The following EXT1 variants were observed in gnomAD, a reference collection of about 807,000 sequenced individuals.
The protein encoded by EXT1 is exostosin glycosyltransferase 1.
EXT1 carries 20 observed loss-of-function variants against 82.5 expected under a neutral mutation model. That is an observed-to-expected ratio of 0.24 (90% CI 0.17 to 0.35). The LOEUF is 0.35. Among genes scored for constraint, EXT1 ranks in the 10% least tolerant of loss-of-function variants. The probability of loss-of-function intolerance (pLI) is 1.00; values close to 1 mark genes in which losing one functional copy is unlikely to be tolerated. For synonymous variants in EXT1, 348 were observed against 350.8 expected (o/e 0.99, Z 0.09); for missense variants, 757 against 936.5 (o/e 0.81, Z 2.50).
At position 117,950,928 on chromosome 8, in the gene EXT1, G is replaced by T. The variant is rs192112120; in HGVS notation, c.963-113727C>A. The stretch of plus-strand genomic sequence containing the variant: ...AACAAAAATTTTTTTTTTAAAAGTT[G>T]TAAGTTTCTATACTTATAACCAAAG... On this transcript the variant is annotated intron_variant, in intron 1 of 10. Transcript: ENST00000378204. 3.5e-3 allele frequency among the ~76,000 whole-genome samples: 530 copies of T among 152,184 alleles called. 1 individual carries two copies. The highest frequency in any genetic ancestry group is 8.7e-3 in the South Asian group (42 of 4,818).
intron 1 of EXT1, among the ~76,000 whole-genome samples, chr8:117,917,249 G>A (rs906614149): frequency 6.6e-6 from 1 of 152,062 alleles, no homozygotes; most frequent in South Asian, 2.1e-4. Context: ...CGAGGCGGGC[G>A]GATCATTTGA....
chr8:117,813,101 A>C (rs1288021798), intron 7 of EXT1, 140 bp from the exon 8 acceptor site: 2 of 718,468 alleles, frequency 2.8e-6, no homozygotes, highest in Non-Finnish European at 5.0e-6. Flanking sequence ...CACCGAAGGA[A>C]TCTCATTTCC....
intron 1 of EXT1, among the ~76,000 whole-genome samples, chr8:117,848,533 G>A (rs1812402262): frequency 6.6e-6 from 1 of 152,162 alleles, no homozygotes; most frequent in Non-Finnish European, 1.5e-5. Context: ...ATTGAGGAGA[G>A]GTGGACCAGA....
intron 1 of EXT1, among the ~76,000 whole-genome samples, chr8:117,947,808 AAC>A (rs1412020205): frequency 6.6e-6 from 1 of 152,184 alleles, no homozygotes; most frequent in African/African-American, 2.4e-5. Context: ...TGGAAGCAAA[AAC>A]ACAGAGTGCA....
At chr8:118,002,522 A>AT (rs1815690914) in intron 1 of EXT1, among the ~76,000 whole-genome samples, 2 of 124,590 alleles carry the variant, frequency 1.6e-5, no homozygotes, top group African/African-American at 3.1e-5. Context: ...CAGTGTGAAT[A>AT]TTTTTCTTTT....
chr8:118,018,983 T>C (rs893432195), intron 1 of EXT1, among the ~76,000 whole-genome samples: 3 of 152,044 alleles, frequency 2.0e-5, no homozygotes, highest in Admixed American at 6.6e-5. Flanking sequence ...GTGTGTTTTA[T>C]AATGCTGCAA....
Position 118,079,022 on chromosome 8 carries a change from A to G in EXT1, c.962+31063T>C, listed in dbSNP as rs17477126. Among the ~76,000 whole-genome samples the G allele has an allele frequency of 3.6e-3, 546 of 152,358 alleles. 2 individuals carry two copies. The highest frequency in any genetic ancestry group is 0.013 in the African/African-American group (520 of 41,596). On this transcript the variant is annotated intron_variant, in intron 1 of 10. Coordinates refer to ENST00000378204, the MANE Select transcript of EXT1 (RefSeq NM_000127.3). The stretch of plus-strand genomic sequence containing the variant: ...ACTTAATGATTCCTGTTTTTGCTGT[A>G]AAAGTTCTTATATGCTATAAAAATG...
chr8:117,939,571 G>GAA (rs11420757), intron 1 of EXT1, among the ~76,000 whole-genome samples: 230 of 122,752 alleles, frequency 1.9e-3, no homozygotes, highest in Middle Eastern at 7.9e-3. Flanking sequence ...CTCCATCTCT[G>GAA]AAAAAAAAAA....
At chr8:117,909,679 T>G (rs1257160895) in intron 1 of EXT1, among the ~76,000 whole-genome samples, 1 of 152,204 alleles carries the variant, frequency 6.6e-6, no homozygotes, top group Non-Finnish European at 1.5e-5. Flanking sequence ...GTACATGCAT[T>G]TGCCATCATT....
At chr8:117,911,340 T>C (rs1813643630) in intron 1 of EXT1, among the ~76,000 whole-genome samples, 3 of 152,074 alleles carry the variant, frequency 2.0e-5, no homozygotes, top group Admixed American at 1.3e-4. Flanking sequence ...ACTCTAACCA[T>C]CACAAAAAAG....
At chr8:118,094,500 A>G (rs1386501964) in intron 1 of EXT1, among the ~76,000 whole-genome samples, 1 of 152,266 alleles carries the variant, frequency 6.6e-6, no homozygotes, top group African/African-American at 2.4e-5. Flanking sequence ...TACAGGCATC[A>G]AATGTAGTTT....
At chr8:118,030,915 A>G (rs192839911) in intron 1 of EXT1, among the ~76,000 whole-genome samples, 29 of 152,346 alleles carry the variant, frequency 1.9e-4, no homozygotes, top group Admixed American at 1.2e-3. Context: ...TACTTGGTTC[A>G]CTTTCACTCT....
intron 1 of EXT1, among the ~76,000 whole-genome samples, chr8:118,013,220 CTGT>C (rs1563629587): frequency 6.6e-6 from 1 of 151,724 alleles, no homozygotes; most frequent in Non-Finnish European, 1.5e-5. Context: ...GTTGTTGTTG[CTGT>C]TGTTGAGACA....
At chr8:118,092,300 G>A (rs185133447) in intron 1 of EXT1, among the ~76,000 whole-genome samples, 2 of 152,008 alleles carry the variant, frequency 1.3e-5, no homozygotes, top group African/African-American at 4.8e-5. Context: ...CTTCTATTTG[G>A]GATCTAGAAT....
At chr8:118,029,069 C>A (rs1360253078) in intron 1 of EXT1, among the ~76,000 whole-genome samples, 1 of 152,050 alleles carries the variant, frequency 6.6e-6, no homozygotes, top group African/African-American at 2.4e-5. Flanking sequence ...CAAAGGACTA[C>A]ATGTACCTAG....
chr8:117,900,381 A>G (rs536671880), intron 1 of EXT1, among the ~76,000 whole-genome samples: 2 of 152,376 alleles, frequency 1.3e-5, no homozygotes, highest in South Asian at 4.1e-4. Context: ...AGTTCAAAAC[A>G]ATCTTATTAT....
Position 117,804,299 on chromosome 8 carries a change from A to G in EXT1, c.2055+423T>C, listed in dbSNP as rs568015563. The stretch of plus-strand genomic sequence containing the variant: ...GTGAAGACACAATGAGCAGAGGGCT[A>G]TCTATGAATCAGGAAACAGTCTCTT... On this transcript the variant is annotated intron_variant, in intron 10 of 10. Coordinates refer to ENST00000378204, the MANE Select transcript of EXT1 (RefSeq NM_000127.3). Among the ~76,000 whole-genome samples the G allele has an allele frequency of 3.9e-5, 6 of 152,316 alleles. No individual in the cohort carries two copies. The South Asian group carries it at 8.3e-4, about 21-fold the overall frequency.
intron 1 of EXT1, among the ~76,000 whole-genome samples, chr8:117,925,496 C>T (rs2129640690): frequency 6.6e-6 from 1 of 152,126 alleles, no homozygotes; most frequent in South Asian, 2.1e-4. Flanking sequence ...CACCTCACAG[C>T]ACTTCTAAGC....
intron 1 of EXT1, among the ~76,000 whole-genome samples, chr8:117,962,369 C>T (rs1814717891): frequency 6.6e-6 from 1 of 151,896 alleles, no homozygotes; most frequent in African/African-American, 2.4e-5. Context: ...CTCTGGGAAG[C>T]TAAGGTGGAA....
Sources: gnomAD v4.1 joint callset for allele counts (sites outside exome capture counted in the v4.1 genomes callset) on GRCh38, gnomAD v4.1.1 for gene constraint, MANE v1.5 for transcripts, NCBI Gene and HGNC (gene_info 2026-07-23, HGNC 2026-07-21) for gene names.